The following DYNLT2 variants were observed in gnomAD, a reference collection of about 807,000 sequenced individuals.
The protein encoded by DYNLT2 is dynein light chain Tctex-type protein 2.
Under a neutral mutation model 24.3 loss-of-function variants are expected in DYNLT2, and 24 were observed. The ratio of observed to expected loss-of-function variants is 0.99; its 90% CI spans 0.71 to 1.39. The LOEUF (loss-of-function observed/expected upper bound fraction) is 1.39, where lower values mean the gene tolerates loss of function less well. DYNLT2 is among the 40% of genes most tolerant of loss of function. The pLI, the probability that DYNLT2 is intolerant of heterozygous loss-of-function variation, is 0.00. For synonymous variants in DYNLT2, 85 were observed against 85.4 expected (o/e 1.00, Z 0.03); for missense variants, 246 against 234.5 (o/e 1.05, Z -0.32).
intron 1 of DYNLT2, among the ~76,000 whole-genome samples, chr6:169,745,734 C>CT (rs1177494635): frequency 6.6e-6 from 1 of 152,044 alleles, no homozygotes; most frequent in Non-Finnish European, 1.5e-5. Flanking sequence ...CTGTAATTTG[C>CT]TTTTTTTGTA....
chr6:169,736,531 T>A (rs1427452504), downstream of DYNLT2, among the ~76,000 whole-genome samples: 1 of 152,216 alleles, frequency 6.6e-6, no homozygotes, highest in Admixed American at 6.5e-5. Flanking sequence ...TCCCTCAGCA[T>A]TTGCTTGTCT....
At chr6:169,741,704 G>A (rs779781034) in intron 3 of DYNLT2, among the ~76,000 whole-genome samples, 1 of 151,916 alleles carries the variant, frequency 6.6e-6, no homozygotes, top group Non-Finnish European at 1.5e-5. Flanking sequence ...AGTTTTCTCT[G>A]CTTGGAACAT....
intron 1 of DYNLT2, among the ~76,000 whole-genome samples, chr6:169,745,779 T>C (rs887683645): frequency 1.3e-5 from 2 of 152,238 alleles, no homozygotes; most frequent in African/African-American, 4.8e-5. Flanking sequence ...AGGGTAATGC[T>C]GACTTCACAG....
At chr6:169,749,956 T>C (rs1422807446) in intron 1 of DYNLT2, 1 of 152,232 alleles carries the variant, frequency 6.6e-6, no homozygotes, top group Admixed American at 6.5e-5. Context: ...TTAGTGAGCA[T>C]TTGTAGAGTC....
At chr6:169,740,081 A>G, downstream of DYNLT2, 1 of 762,060 alleles carries the variant, frequency 1.3e-6, no homozygotes, top group Non-Finnish European at 2.1e-6. Context: ...TCAAATGAGA[A>G]TAAGAATATA....
chr6:169,748,902 T>C (rs1789875712), intron 1 of DYNLT2, among the ~76,000 whole-genome samples: 1 of 152,222 alleles, frequency 6.6e-6, no homozygotes, highest in South Asian at 2.1e-4. Context: ...TTTTATTCCT[T>C]TTATTAAGAA....
chr6:169,738,898 TC>T (rs903951307), downstream of DYNLT2: 18 of 152,094 alleles, frequency 1.2e-4, no homozygotes, highest in African/African-American at 3.6e-4. Context: ...GCAGCCAAAC[TC>T]CATTTGGATC....
chr6:169,743,158 T>A lies in DYNLT2; in HGVS notation c.408A>T (p.Ala136=). ...AACGGTGGTACCCAAATTCTTTGACTGCTAACAGTATGCGGTCTGCCAATT... is the reference window on the plus strand; with the variant it reads ...AACGGTGGTACCCAAATTCTTTGACAGCTAACAGTATGCGGTCTGCCAATT... ...SLELADRILL[A]VKEFGYHRYK... is the part of the protein sequence containing the mutation. The change falls in exon 3 of 4, where the codon GCA becomes GCT. Residue 136 remains alanine (A), a synonymous_variant. Coordinates refer to ENST00000366774, the MANE Select transcript of DYNLT2 (RefSeq NM_174910.3). 1 of 1,579,730 alleles carries A rather than the reference T, an allele frequency of 6.3e-7. No individual in the cohort carries two copies. The highest frequency in any genetic ancestry group is 8.6e-7 in the Non-Finnish European group (1 of 1,157,276).
rs1176604623 is a variant in DYNLT2 at position 169,751,494 on chromosome 6, T to G, written c.-36A>C. ...TCTCCAAGACGCCCACCGCCTCCCC[T>G]TCACCGCCGGCGGTCAAACGCCCTA... On this transcript the variant is annotated 5_prime_UTR_variant, in exon 1 of 4. Coordinates refer to ENST00000366774, the MANE Select transcript of DYNLT2 (RefSeq NM_174910.3). The G allele has an allele frequency of 1.2e-6, 2 of 1,610,704 alleles. No individual in the cohort carries two copies. Among genetic ancestry groups the G allele is most frequent in the Admixed American group, 1.7e-5 (1 of 59,764 alleles).
At chr6:169,745,872 G>T (rs904119332) in intron 1 of DYNLT2, among the ~76,000 whole-genome samples, 1 of 152,068 alleles carries the variant, frequency 6.6e-6, no homozygotes, top group Non-Finnish European at 1.5e-5. Flanking sequence ...TAAATGCTTG[G>T]TAGAATTCAC....
chr6:169,730,855 G>C, the DYNLT2 span, among the ~76,000 whole-genome samples: 1 of 152,200 alleles, frequency 6.6e-6, no homozygotes, highest in African/African-American at 2.4e-5. Flanking sequence ...CCGATGGACT[G>C]AAGGAAATGT....
chr6:169,731,152 G>T, the DYNLT2 span, among the ~76,000 whole-genome samples: 1 of 152,116 alleles, frequency 6.6e-6, no homozygotes, highest in African/African-American at 2.4e-5. Flanking sequence ...GAGGACAAAG[G>T]GGGATATCTC....
chr6:169,743,125 G>C lies in DYNLT2; in HGVS notation c.441C>G (p.Phe147Leu), dbSNP rs746016084. The C allele has an allele frequency of 1.9e-6, 3 of 1,578,472 alleles. No individual in the cohort carries two copies. The South Asian group carries it at 3.5e-5, about 18-fold the overall frequency. The change falls in exon 3 of 4, where the codon TTC becomes TTG. Residue 147 changes from phenylalanine to leucine, a missense_variant. Physicochemically the swap from Phe to Leu is conservative, Grantham distance 22. Transcript: ENST00000366774. ...VKEFGYHRYK[F>L]IIKVLFIQKT... Reference sequence around the variant, plus strand: ...TTTGAATAAATAATACTTTTATAATGAACTTATAACGGTGGTACCCAAATT... The same window carrying C: ...TTTGAATAAATAATACTTTTATAATCAACTTATAACGGTGGTACCCAAATT...
At chr6:169,729,347 A>G in the DYNLT2 span, among the ~76,000 whole-genome samples, 2 of 152,044 alleles carry the variant, frequency 1.3e-5, no homozygotes, top group African/African-American at 2.4e-5. Context: ...GTCATTTTCA[A>G]ATTCCCTAAT....
chr6:169,747,062 T>G (rs528963649), intron 1 of DYNLT2, among the ~76,000 whole-genome samples: 3 of 151,710 alleles, frequency 2.0e-5, no homozygotes, highest in Non-Finnish European at 4.4e-5. Flanking sequence ...GTCTTACCTT[T>G]GCTTTTTGAA....
At position 169,751,463 on chromosome 6, in the gene DYNLT2, C is replaced by T; in HGVS notation, c.-5G>A. 6.2e-7 allele frequency: 1 copy of T among 1,613,596 alleles called. No individual in the cohort carries two copies. Among genetic ancestry groups the T allele is most frequent in the Non-Finnish European group, 8.5e-7 (1 of 1,179,856 alleles). ...GCCTCGGCCTCGCTTCTCCATCTCG[C>T]TCTGTTCTCCAAGACGCCCACCGCC... is the stretch of plus-strand genomic sequence containing the variant. On this transcript the variant is annotated 5_prime_UTR_variant, in exon 1 of 4. Coordinates refer to ENST00000366774, the MANE Select transcript of DYNLT2 (RefSeq NM_174910.3).
intron 1 of DYNLT2, among the ~76,000 whole-genome samples, chr6:169,745,075 T>C (rs959618904): frequency 1.3e-5 from 2 of 152,010 alleles, no homozygotes; most frequent in Admixed American, 6.6e-5. Context: ...TCGAGTATGA[T>C]GTTTGCTGTG....
the DYNLT2 span, chr6:169,725,124 G>A: frequency 2.5e-6 from 1 of 398,708 alleles, no homozygotes; most frequent in Non-Finnish European, 4.4e-6. Flanking sequence ...ATCTCGGGCT[G>A]CACCAGGGCA....
the DYNLT2 span, among the ~76,000 whole-genome samples, chr6:169,732,608 A>G: frequency 3.3e-5 from 5 of 152,226 alleles, no homozygotes; most frequent in South Asian, 2.1e-4. Flanking sequence ...TGCAAAGGAC[A>G]TGATCTCATT....
Sources: allele counts gnomAD v4.1 joint callset (sites outside exome capture counted in the v4.1 genomes callset), GRCh38; gene constraint gnomAD v4.1.1; transcripts MANE v1.5; gene names NCBI Gene and HGNC (gene_info 2026-07-23, HGNC 2026-07-21).